VIT: variants seen among roughly 807,000 people sequenced by gnomAD.
The protein encoded by VIT is vitrin.
Under a neutral mutation model 78.0 loss-of-function variants are expected in VIT, and 99 were observed. The ratio of observed to expected loss-of-function variants is 1.27; its 90% CI spans 1.08 to 1.50. The LOEUF is 1.50. VIT is among the 40% of genes most tolerant of loss of function. The pLI, the probability that VIT is intolerant of heterozygous loss-of-function variation, is 0.00. For missense variants in VIT, 1,126 were observed against 875.3 expected (o/e 1.29, Z -3.61); for synonymous variants, 374 against 334.3 (o/e 1.12, Z -1.29).
At chr2:36,756,210 G>A (rs769405455) in intron 5 of VIT, among the ~76,000 whole-genome samples, 3 of 151,838 alleles carry the variant, frequency 2.0e-5, no homozygotes, top group East Asian at 3.9e-4. Context: ...CGCCCACCTC[G>A]GCCTCCCAAA....
intron 12 of VIT, among the ~76,000 whole-genome samples, chr2:36,800,420 C>A (rs1666237420): frequency 1.3e-5 from 2 of 152,180 alleles, no homozygotes; most frequent in African/African-American, 4.8e-5. Flanking sequence ...GCAGCTTGTT[C>A]AAAAATGATG....
intron 1 of VIT, among the ~76,000 whole-genome samples, chr2:36,700,148 T>C (rs73924157): frequency 5.3e-5 from 8 of 152,328 alleles, no homozygotes; most frequent in African/African-American, 9.6e-5. Context: ...CATGGAATTA[T>C]GTGATATTAA....
chr2:36,702,595 C>T (rs577723431), intron 1 of VIT, among the ~76,000 whole-genome samples: 1 of 152,272 alleles, frequency 6.6e-6, no homozygotes, highest in South Asian at 2.1e-4. Flanking sequence ...TCTTTCTCTG[C>T]CTTGCGCCTT....
At chr2:36,755,259 G>C (rs181858576) in intron 5 of VIT, among the ~76,000 whole-genome samples, 12 of 152,192 alleles carry the variant, frequency 7.9e-5, no homozygotes, top group Non-Finnish European at 1.2e-4. Context: ...ATACTAAAAG[G>C]CTCCACATGC....
At chr2:36,740,143 A>G (rs1412240796) in intron 3 of VIT, among the ~76,000 whole-genome samples, 1 of 152,208 alleles carries the variant, frequency 6.6e-6, no homozygotes. Context: ...GATCAAACTC[A>G]GAGAAGGGGG....
At chr2:36,801,201 C>A in intron 12 of VIT, 100 bp from the exon 13 acceptor site, 1 of 1,080,656 alleles carries the variant, frequency 9.3e-7, no homozygotes, top group Non-Finnish European at 1.4e-6. Context: ...GGCTTTGAAG[C>A]AGCTTCTATT....
Position 36,805,537 on chromosome 2 carries a change from C to G in VIT, c.1262C>G (p.Pro421Arg), listed in dbSNP as rs1666653412. 6.2e-7 allele frequency: 1 copy of G among 1,614,024 alleles called. No homozygotes were observed. The highest frequency in any genetic ancestry group is 1.1e-5 in the South Asian group (1 of 91,080). The change falls in exon 14 of 16, where the codon CCC becomes CGC. Residue 421 changes from proline to arginine, a missense_variant. Physicochemically the swap from Pro to Arg is moderately radical, Grantham distance 103. Transcript: ENST00000379242. The stretch of plus-strand genomic sequence containing the variant: ...GTGGTGGTGATGGTGGATGGCTGGC[C>G]CACGGACAAAGTGGAGGAGGCTTCA... Reference protein sequence around the residue: ...NVVVVMVDGWPTDKVEEASRL... With the variant: ...NVVVVMVDGWRTDKVEEASRL...
At chr2:36,703,896 T>C (rs1049324107) in intron 1 of VIT, among the ~76,000 whole-genome samples, 2 of 151,354 alleles carry the variant, frequency 1.3e-5, no homozygotes, top group Non-Finnish European at 2.9e-5. Flanking sequence ...GTTTTTTTGT[T>C]TGTTTGTTTG....
intron 15 of VIT, among the ~76,000 whole-genome samples, chr2:36,812,870 T>G (rs1300647931): frequency 6.8e-6 from 1 of 147,444 alleles, no homozygotes; most frequent in Non-Finnish European, 1.5e-5. Context: ...TCTTTTTTTT[T>G]TTTTTTTTGA....
At chr2:36,809,456 C>T (rs565567399) in intron 15 of VIT, among the ~76,000 whole-genome samples, 31 of 152,286 alleles carry the variant, frequency 2.0e-4, no homozygotes, top group African/African-American at 7.0e-4. Flanking sequence ...CTCACTCAGT[C>T]GTCCAGGCTG....
chr2:36,737,993 C>G (rs1667610727), intron 3 of VIT, among the ~76,000 whole-genome samples: 1 of 152,208 alleles, frequency 6.6e-6, no homozygotes, highest in Admixed American at 6.5e-5. Context: ...AGACTCTACC[C>G]TGGCAATTCT....
intron 13 of VIT, 85 bp from the exon 14 acceptor site, chr2:36,805,353 C>A: frequency 2.9e-6 from 3 of 1,044,060 alleles, no homozygotes; most frequent in Non-Finnish European, 3.9e-6. Context: ...GTGTATTTTT[C>A]TGGACCTCTT....
At chr2:36,747,094 A>G (rs1431302358) in intron 4 of VIT, among the ~76,000 whole-genome samples, 1 of 152,112 alleles carries the variant, frequency 6.6e-6, no homozygotes, top group African/African-American at 2.4e-5. Context: ...TAATTTCCAT[A>G]TAATTGTGTG....
At chr2:36,711,804 G>T (rs1665816435) in intron 1 of VIT, among the ~76,000 whole-genome samples, 1 of 152,148 alleles carries the variant, frequency 6.6e-6, no homozygotes, top group South Asian at 2.1e-4. Context: ...CTAACTGTGG[G>T]CAGAAAGAGA....
intron 3 of VIT, among the ~76,000 whole-genome samples, chr2:36,733,526 T>A (rs1251006800): frequency 6.6e-6 from 1 of 152,076 alleles, no homozygotes; most frequent in Non-Finnish European, 1.5e-5. Context: ...CCTGCCAACA[T>A]TAACAACAAC....
intron 3 of VIT, 149 bp from the exon 4 acceptor site, chr2:36,742,951 C>T (rs1214829064): frequency 1.0e-6 from 1 of 957,094 alleles, no homozygotes; most frequent in Non-Finnish European, 1.5e-6. Flanking sequence ...GTCTTAATTA[C>T]ATCTTTGCTT....
intron 1 of VIT, among the ~76,000 whole-genome samples, chr2:36,707,329 C>T (rs1023165135): frequency 1.9e-4 from 29 of 152,148 alleles, no homozygotes; most frequent in Admixed American, 1.1e-3. Flanking sequence ...GGACTTTTCT[C>T]GTGGTCACAA....
At chr2:36,703,936 GTTT>G (rs1367529115) in intron 1 of VIT, among the ~76,000 whole-genome samples, 1 of 7,050 alleles carries the variant, frequency 1.4e-4, no homozygotes, top group Non-Finnish European at 5.5e-4. Flanking sequence ...TTTTGTTTTT[GTTT>G]TTTTTTTTTG....
chr2:36,716,457 T>C, intron 2 of VIT, 35 bp downstream of exon 2: 5 of 1,605,718 alleles, frequency 3.1e-6, no homozygotes, highest in Non-Finnish European at 3.4e-6. Flanking sequence ...GGATACCCTT[T>C]TAAAATTTTC....
Sources: allele counts gnomAD v4.1 joint callset (sites outside exome capture counted in the v4.1 genomes callset), GRCh38; gene constraint gnomAD v4.1.1; transcripts MANE v1.5; gene names NCBI Gene and HGNC (gene_info 2026-07-23, HGNC 2026-07-21).